The following TCTN1 variants were observed in gnomAD, a reference collection of about 807,000 sequenced individuals.
The protein encoded by TCTN1 is tectonic family member 1.
TCTN1 carries 58 observed loss-of-function variants against 65.8 expected under a neutral mutation model. That is an observed-to-expected ratio of 0.88 (90% confidence interval 0.71 to 1.10). The LOEUF is 1.10. Among genes scored for constraint, TCTN1 ranks in the 50% least tolerant of loss-of-function variants. TCTN1 has a pLI of 0.00. For synonymous variants in TCTN1, 273 were observed against 289.1 expected, an observed-to-expected ratio of 0.94 and a Z score of 0.57; for missense variants, 645 against 719.4, an observed-to-expected ratio of 0.90 and a Z score of 1.18.
At chr12:110,642,115 A>G (rs917661158) in intron 10 of TCTN1, 134 bp from the exon 11 acceptor site, 2 of 1,153,222 alleles carry the variant, frequency 1.7e-6, no homozygotes, top group African/African-American at 1.5e-5. Flanking sequence ...CTCCTGGGAA[A>G]TAGCTGTCAA....
intron 11 of TCTN1, chr12:110,643,770 T>C (rs1053112808): frequency 1.3e-5 from 2 of 152,140 alleles, no homozygotes; most frequent in Non-Finnish European, 2.9e-5. Flanking sequence ...GCCTACAGGC[T>C]CAAGCAATCC....
At position 110,641,117 on chromosome 12, in the gene TCTN1, C is replaced by T; in HGVS notation, c.1072C>T (p.Leu358=). ...GACAGTTAGCAGCGTAGTGGTCCCA[C>T]TGCAGCAAAAGTTTGAAATTCATTT... The part of the protein sequence containing the change: ...LGTVSSVVVP[L]QQKFEIHFLQ... Residue 358 remains leucine (L), a synonymous_variant, in exon 9 of 15, where the codon CTG becomes TTG. Coordinates refer to ENST00000397659, the MANE Select transcript of TCTN1 (RefSeq NM_001082538.3). The T allele has an allele frequency of 1.2e-6, 2 of 1,614,262 alleles. No individual in the cohort carries two copies. The highest frequency in any genetic ancestry group is 1.7e-6 in the Non-Finnish European group (2 of 1,180,052).
intron 2 of TCTN1, among the ~76,000 whole-genome samples, chr12:110,624,062 A>G (rs2065643129): frequency 6.6e-6 from 1 of 150,898 alleles, no homozygotes; most frequent in Non-Finnish European, 1.5e-5. Context: ...TCTCTATACT[A>G]TTATCTGTCT....
intron 10 of TCTN1, chr12:110,642,004 T>A: frequency 1.7e-6 from 1 of 591,812 alleles, no homozygotes; most frequent in Non-Finnish European, 3.0e-6. Context: ...CCTAAACAGA[T>A]GTAGTGATTT....
At chr12:110,616,194 C>A in intron 1 of TCTN1, 1 of 386,844 alleles carries the variant, frequency 2.6e-6, no homozygotes, top group Non-Finnish European at 5.2e-6. Context: ...ATTATTATAG[C>A]ATGTGTTCAA....
chr12:110,623,560 A>G (rs1232796931), intron 2 of TCTN1, among the ~76,000 whole-genome samples: 1 of 152,196 alleles, frequency 6.6e-6, no homozygotes, highest in Non-Finnish European at 1.5e-5. Flanking sequence ...TCCTAAGGAA[A>G]CAACTGGAGA....
At chr12:110,629,423 G>T (rs2066074707) in intron 4 of TCTN1, 1 of 154,484 alleles carries the variant, frequency 6.5e-6, no homozygotes, top group Non-Finnish European at 1.4e-5. Flanking sequence ...CCATCAAAAA[G>T]TGGGTGAAGG....
intron 2 of TCTN1, among the ~76,000 whole-genome samples, chr12:110,623,202 C>T (rs1565963734): frequency 6.6e-6 from 1 of 152,226 alleles, no homozygotes; most frequent in Non-Finnish European, 1.5e-5. Flanking sequence ...TCTTTCAGAG[C>T]CTATCACCTG....
chr12:110,614,340 C>A lies in TCTN1; in HGVS notation c.158C>A (p.Pro53His), dbSNP rs1333027755. Residue 53 changes from proline to histidine, a missense_variant, in exon 1 of 15, where the codon CCC becomes CAC. Coordinates refer to ENST00000397659, the MANE Select transcript of TCTN1 (RefSeq NM_001082538.3). ...ATFGTFPSTR[P>H]PGTPRAPGPS... Reference sequence around the variant, plus strand: ...TTCGGAACTTTCCCGTCGACCAGGCCCCCCGGGACTCCCAGGGCTCCAGGG... The same window carrying A: ...TTCGGAACTTTCCCGTCGACCAGGCACCCCGGGACTCCCAGGGCTCCAGGG... 1.2e-6 allele frequency: 2 copies of A among 1,606,894 alleles called. No individual in the cohort carries two copies. The highest frequency in any genetic ancestry group is 3.4e-5 in the Admixed American group (2 of 59,190).
intron 2 of TCTN1, among the ~76,000 whole-genome samples, chr12:110,622,398 C>T (rs1284781662): frequency 6.6e-6 from 1 of 152,120 alleles, no homozygotes; most frequent in African/African-American, 2.4e-5. Context: ...TAGGCACTCT[C>T]CTGCCTTCAA....
At chr12:110,647,073 TGTA>T in intron 12 of TCTN1, 120 bp from the exon 13 acceptor site, 1 of 1,173,786 alleles carries the variant, frequency 8.5e-7, no homozygotes, top group African/African-American at 1.5e-5. Flanking sequence ...TATCTGAACT[TGTA>T]GAGTCTATTC....
intron 4 of TCTN1, 23 bp from the exon 5 acceptor site, chr12:110,632,449 A>G: frequency 6.2e-7 from 1 of 1,612,836 alleles, no homozygotes; most frequent in Non-Finnish European, 8.5e-7. Flanking sequence ...CACCATAACG[A>G]CTGTTGGTTG....
chr12:110,614,522 C>CT, intron 1 of TCTN1, 120 bp downstream of exon 1: 4 of 1,520,288 alleles, frequency 2.6e-6, no homozygotes, highest in Non-Finnish European at 3.5e-6. Context: ...GCAGACACTG[C>CT]TGAGTGTTCC....
intron 2 of TCTN1, among the ~76,000 whole-genome samples, chr12:110,624,699 TC>T (rs1400935177): frequency 1.3e-5 from 2 of 151,948 alleles, no homozygotes; most frequent in African/African-American, 4.8e-5. Flanking sequence ...TGCCTCAGTC[TC>T]CCCAGCAGCT....
intron 2 of TCTN1, among the ~76,000 whole-genome samples, chr12:110,624,940 C>T (rs768740224): frequency 8.6e-5 from 13 of 151,944 alleles, no homozygotes; most frequent in South Asian, 2.1e-4. Context: ...GTGATCCACC[C>T]GCCTCGGCCT....
chr12:110,632,019 A>G (rs115679350), intron 4 of TCTN1, among the ~76,000 whole-genome samples: 3,384 of 152,286 alleles, frequency 0.022, 129 homozygotes, highest in African/African-American at 0.077. Context: ...TGAAGATTGG[A>G]AAATAATTTT....
Position 110,644,790 on chromosome 12 carries a change from C to T in TCTN1, c.1332-177C>T. 2 of 750,416 alleles carry T rather than the reference C, an allele frequency of 2.7e-6. No homozygotes were observed. Among genetic ancestry groups the T allele is most frequent in the Non-Finnish European group, 4.5e-6 (2 of 444,256 alleles). The allele number at this position is 750,416 out of a possible 1,614,324, so 46.5% of individuals were successfully genotyped here. On this transcript the variant is annotated intron_variant, in intron 11 of 14. Transcript: ENST00000397659. This position sits in a 1 kb window ranked among gnomAD's most constrained non-coding sequence, Gnocchi z 4.6. ...GCACTCTGGGAGGATTGCATGAGCCCAGGAGTTTGAGGCTGCAGGGAGCTA... is the reference window on the plus strand; with the variant it reads ...GCACTCTGGGAGGATTGCATGAGCCTAGGAGTTTGAGGCTGCAGGGAGCTA...
intron 10 of TCTN1, chr12:110,641,832 G>C: frequency 1.7e-6 from 1 of 589,958 alleles, no homozygotes; most frequent in Non-Finnish European, 3.0e-6. Flanking sequence ...TTGGGGGTGA[G>C]ACAGCACGTC....
At position 110,645,015 on chromosome 12, in the gene TCTN1, C is replaced by T; in HGVS notation, c.1380C>T (p.Ser460=). The T allele has an allele frequency of 6.2e-7, 1 of 1,614,224 alleles. No homozygotes were observed. Among genetic ancestry groups the T allele is most frequent in the Non-Finnish European group, 8.5e-7 (1 of 1,180,042 alleles). Residue 460 remains serine (S), a synonymous_variant, in exon 12 of 15, where the codon AGC becomes AGT. Coordinates refer to ENST00000397659, the MANE Select transcript of TCTN1 (RefSeq NM_001082538.3). ...AGCTCGTAGCACAGAAGGTGAAGAGCCTGCTGTGGGGCCAGGGCTTCCCAG... is the reference window on the plus strand; with the variant it reads ...AGCTCGTAGCACAGAAGGTGAAGAGTCTGCTGTGGGGCCAGGGCTTCCCAG... The part of the protein sequence containing the change: ...PCQLVAQKVK[S]LLWGQGFPDY...
Sources: allele counts gnomAD v4.1 joint callset (sites outside exome capture counted in the v4.1 genomes callset), GRCh38; gene constraint gnomAD v4.1.1; non-coding constraint Gnocchi (gnomAD v3.1); transcripts MANE v1.5; gene names NCBI Gene and HGNC (gene_info 2026-07-23, HGNC 2026-07-21).